The following MYCBP2 variants were observed in gnomAD, a reference collection of about 807,000 sequenced individuals.
The protein encoded by MYCBP2 is E3 ubiquitin-protein ligase MYCBP2.
In MYCBP2, 120 loss-of-function variants were observed where a neutral mutation model predicts 525.3. That is an observed-to-expected ratio of 0.23 (90% CI 0.20 to 0.27). The LOEUF is 0.27. MYCBP2 is among the 10% of genes least tolerant of loss of function. The probability of loss-of-function intolerance (pLI) is 1.00; values close to 1 mark genes in which losing one functional copy is unlikely to be tolerated. For synonymous variants in MYCBP2, 1,894 were observed against 1,955.8 expected, an observed-to-expected ratio of 0.97 and a Z score of 0.83; for missense variants, 4,149 against 5,657.1, an observed-to-expected ratio of 0.73 and a Z score of 8.55.
At chr13:77,316,069 A>G (rs1398496480) in intron 1 of MYCBP2, among the ~76,000 whole-genome samples, 1 of 152,104 alleles carries the variant, frequency 6.6e-6, no homozygotes, top group African/African-American at 2.4e-5. Context: ...CTCAGATTAA[A>G]AACAAGGGAG....
chr13:77,165,221 C>A (rs2058394740), intron 42 of MYCBP2, 52 bp downstream of exon 42: 1 of 1,450,836 alleles, frequency 6.9e-7, no homozygotes, highest in Admixed American at 1.7e-5. Flanking sequence ...AACTCACTAG[C>A]CCTTAGAAAC....
chr13:77,271,884 G>A (rs2074948769), intron 5 of MYCBP2, among the ~76,000 whole-genome samples: 1 of 152,226 alleles, frequency 6.6e-6, no homozygotes, highest in Non-Finnish European at 1.5e-5. Context: ...AGTCAGGCCA[G>A]GAGAGTTTTG....
At chr13:77,221,943 ATT>A (rs746191003) in intron 20 of MYCBP2, among the ~76,000 whole-genome samples, 49 of 152,306 alleles carry the variant, frequency 3.2e-4, no homozygotes, top group Non-Finnish European at 6.3e-4. Flanking sequence ...ACATCTCTAG[ATT>A]ACTTATAATA....
chr13:77,214,020 A>AAC (rs1239036114), intron 21 of MYCBP2, among the ~76,000 whole-genome samples: 1 of 152,236 alleles, frequency 6.6e-6, no homozygotes, highest in Admixed American at 6.5e-5. Flanking sequence ...AGCACAGGGA[A>AAC]ACACATGCCC....
At chr13:77,139,983 T>A (rs773112711) in intron 51 of MYCBP2, 64 bp downstream of exon 51, 1 of 1,063,896 alleles carries the variant, frequency 9.4e-7, no homozygotes, top group Non-Finnish European at 1.4e-6. Flanking sequence ...AACCTTATTA[T>A]TATGCAAACA....
chr13:77,207,817 G>T (rs2063522003), intron 23 of MYCBP2, among the ~76,000 whole-genome samples: 1 of 152,042 alleles, frequency 6.6e-6, no homozygotes, highest in Non-Finnish European at 1.5e-5. Flanking sequence ...GTGTTCAACA[G>T]TTTCACTAAC....
In MYCBP2 at chr13:77,057,028, G is replaced by A; in HGVS notation, c.13395C>T (p.Gly4465=). The change falls in exon 79 of 83, where the codon GGC becomes GGT. Residue 4465 remains glycine, a synonymous_variant. Coordinates refer to ENST00000544440, the MANE Select transcript of MYCBP2 (RefSeq NM_015057.5). ...ATATAAATCCAAATGTTATCCTTGG[G>A]CCAAGCCATCGATTTTCTAATACTC... ...CRRVLENRWL[G]PRITFGFISC... is the part of the protein sequence containing the mutation. 6.2e-7 allele frequency: 1 copy of A among 1,613,770 alleles called. No individual in the cohort carries two copies. The highest frequency in any genetic ancestry group is 8.5e-7 in the Non-Finnish European group (1 of 1,179,794).
rs2057995815 is a variant in MYCBP2, at chr13:77,162,037, C to T, written c.6548-82G>A. The T allele has an allele frequency of 6.4e-6, 6 of 942,204 alleles. No homozygotes were observed. The South Asian group carries it at 7.9e-5, about 12-fold the overall frequency. 58.4% of individuals were successfully genotyped at this position (942,204 alleles called of 1,614,324 possible). Reference sequence around the variant, plus strand: ...TTTCTAGTCCTTTGCATTCATTACACTTTTTTTAAAAAAATAATTCTGCTA... The same window carrying T: ...TTTCTAGTCCTTTGCATTCATTACATTTTTTTTAAAAAAATAATTCTGCTA... On this transcript the variant is annotated intron_variant, in intron 43 of 82. Coordinates refer to ENST00000544440, the MANE Select transcript of MYCBP2 (RefSeq NM_015057.5).
At position 77,263,754 on chromosome 13, in the gene MYCBP2, A is replaced by G. The variant is rs771027487; in HGVS notation, c.1467T>C (p.Thr489=). The G allele has an allele frequency of 2.7e-5, 43 of 1,613,220 alleles. No homozygotes were observed. The highest frequency in any genetic ancestry group is 3.6e-5 in the Non-Finnish European group (42 of 1,179,452). ...GFVVRIFATS[T]EPVLQQELQL... Reference sequence around the variant, plus strand: ...GCAATTCTTGCTGTAGAACAGGTTCAGTGCTTGTGGCAAATATTCTGACAA... The same window carrying G: ...GCAATTCTTGCTGTAGAACAGGTTCGGTGCTTGTGGCAAATATTCTGACAA... The change falls in exon 10 of 83, where the codon ACT becomes ACC. Residue 489 remains threonine (T), a synonymous_variant. Transcript: ENST00000544440.
In MYCBP2 at chr13:77,205,568, T is replaced by A; in HGVS notation, c.3620A>T (p.Asp1207Val). The A allele has an allele frequency of 6.2e-7, 1 of 1,613,272 alleles. No individual in the cohort carries two copies. Among genetic ancestry groups the A allele is most frequent in the Admixed American group, 1.7e-5 (1 of 59,884 alleles). ...TGTACTTGCAACACCCATTTTTAAG[T>A]CCTGCATAGCTGCCAAGGTATCAAG... is the stretch of plus-strand genomic sequence containing the variant. ...GCLDTLAAMQDLKMGVASTEE... is the reference protein window; with the variant it reads ...GCLDTLAAMQVLKMGVASTEE... Residue 1207 changes from aspartate (D) to valine (V), a missense_variant, in exon 25 of 83, where the codon GAC becomes GTC. Physicochemically the swap from Asp to Val is radical, Grantham distance 152. Coordinates refer to ENST00000544440, the MANE Select transcript of MYCBP2 (RefSeq NM_015057.5).
intron 27 of MYCBP2, among the ~76,000 whole-genome samples, chr13:77,192,146 G>GT (rs1170048546): frequency 6.6e-6 from 1 of 152,190 alleles, no homozygotes; most frequent in Non-Finnish European, 1.5e-5. Flanking sequence ...CTGAACTTTA[G>GT]TTTTAAAGCT....
intron 1 of MYCBP2, among the ~76,000 whole-genome samples, chr13:77,316,765 T>G (rs1192882937): frequency 6.6e-6 from 1 of 152,118 alleles, no homozygotes; most frequent in Non-Finnish European, 1.5e-5. Flanking sequence ...GGTGGCTGAC[T>G]TCATGGGGTG....
At chr13:77,075,304 T>C (rs2042084197) in intron 68 of MYCBP2, among the ~76,000 whole-genome samples, 1 of 152,194 alleles carries the variant, frequency 6.6e-6, no homozygotes, top group Non-Finnish European at 1.5e-5. Context: ...AATGAGGAAT[T>C]TCTGTATGTA....
intron 17 of MYCBP2, among the ~76,000 whole-genome samples, chr13:77,233,854 T>C (rs2154303668): frequency 6.7e-6 from 1 of 149,680 alleles, no homozygotes; most frequent in South Asian, 2.2e-4. Context: ...GATATATGTA[T>C]ACACACAGAG....
chr13:77,237,939 G>A (rs1041486642), intron 17 of MYCBP2, among the ~76,000 whole-genome samples: 1 of 152,040 alleles, frequency 6.6e-6, no homozygotes, highest in African/African-American at 2.4e-5. Context: ...ATGGTTTTAA[G>A]GGCTTAAAAA....
intron 72 of MYCBP2, among the ~76,000 whole-genome samples, chr13:77,065,739 T>G (rs1391469101): frequency 6.6e-6 from 1 of 152,214 alleles, no homozygotes; most frequent in Non-Finnish European, 1.5e-5. Context: ...AGAGCATATT[T>G]TATTTTATTA....
In MYCBP2 at chr13:77,146,172, T is replaced by C. The variant is rs376656285; in HGVS notation, c.7177A>G (p.Thr2393Ala). 3.5e-5 allele frequency: 55 copies of C among 1,592,096 alleles called. No homozygotes were observed. The highest frequency in any genetic ancestry group is 4.0e-5 in the African/African-American group (3 of 74,080). ...SFEELRFASP[T>A]PKRPSENMLI... ...GAAAACGATCCTTACCTCTTAGGAGTTGGTGATGCAAAACGTAGTTCTTCA... is the reference window on the plus strand; with the variant it reads ...GAAAACGATCCTTACCTCTTAGGAGCTGGTGATGCAAAACGTAGTTCTTCA... Residue 2393 changes from threonine to alanine, a missense_variant, in exon 48 of 83, where the codon ACT becomes GCT. By Grantham distance (58) the Thr-to-Ala change is moderately conservative. Transcript: ENST00000544440.
intron 17 of MYCBP2, among the ~76,000 whole-genome samples, chr13:77,235,172 A>G (rs1475022613): frequency 1.3e-5 from 2 of 152,112 alleles, no homozygotes; most frequent in Non-Finnish European, 2.9e-5. Context: ...TCTCACTGGA[A>G]TTCAGTCCAC....
chr13:77,106,111 G>C (rs1431075479), intron 55 of MYCBP2, among the ~76,000 whole-genome samples: 2 of 152,032 alleles, frequency 1.3e-5, no homozygotes, highest in African/African-American at 4.8e-5. Flanking sequence ...CTTATCTCTG[G>C]AACCACAAAC....
Sources: gnomAD v4.1 joint callset for allele counts (sites outside exome capture counted in the v4.1 genomes callset) on GRCh38, gnomAD v4.1.1 for gene constraint, MANE v1.5 for transcripts, NCBI Gene and HGNC (gene_info 2026-07-23, HGNC 2026-07-21) for gene names.